Variants in DENND2C observed in about 807,000 individuals in gnomAD.
DENND2C encodes DENN domain-containing protein 2C.
A neutral mutation model predicts 112.4 loss-of-function variants in DENND2C; 72 were observed. The ratio of observed to expected loss-of-function variants is 0.64; its 90% CI spans 0.53 to 0.78. DENND2C has a LOEUF of 0.78. Ranked by LOEUF, DENND2C falls within the 30% of genes least tolerant of loss-of-function variation. DENND2C has a pLI of 0.00. For missense variants in DENND2C, 992 were observed against 1,113.8 expected, an observed-to-expected ratio of 0.89 and a Z score of 1.56; for synonymous variants, 329 against 381.6, an observed-to-expected ratio of 0.86 and a Z score of 1.61.
chr1:114,645,193 C>T (rs983811744), intron 3 of DENND2C, among the ~76,000 whole-genome samples: 2 of 152,154 alleles, frequency 1.3e-5, no homozygotes, highest in Middle Eastern at 3.4e-3. Flanking sequence ...TAGATCGAAC[C>T]GTGTCCCCTG....
intron 9 of DENND2C, 29 bp downstream of exon 9, chr1:114,611,040 CAACA>C (rs1557944594): frequency 1.2e-6 from 2 of 1,613,894 alleles, no homozygotes; most frequent in Admixed American, 3.3e-5. Flanking sequence ...ATGATCATCA[CAACA>C]ACGGGAGCAG....
intron 3 of DENND2C, among the ~76,000 whole-genome samples, chr1:114,643,623 G>A (rs1656902919): frequency 6.6e-6 from 1 of 152,032 alleles, no homozygotes; most frequent in African/African-American, 2.4e-5. Flanking sequence ...ACTAAAAATG[G>A]TTCCCAAAAT....
rs1363716385 is a variant in DENND2C, at chr1:114,655,866, TTA to T, written c.-573-1107_-573-1106del. 9.7e-3 allele frequency among the ~76,000 whole-genome samples: 603 copies of T among 62,464 alleles called. 3 individuals carry two copies. The highest frequency in any genetic ancestry group is 0.039 in the African/African-American group (559 of 14,404). The allele number at this position is 62,464 out of a possible 152,430, so 41.0% of individuals were successfully genotyped here. A position where few individuals can be genotyped will look rare whatever the true frequency, so the allele number is the denominator to read the frequency against. Reference sequence around the variant, plus strand: ...CTTACATGTACAGCTCAAAGAACTTTTATATATATATGTATAAATATATATAT... The same window carrying T: ...CTTACATGTACAGCTCAAAGAACTTTTATATATATGTATAAATATATATAT... On this transcript the variant is annotated intron_variant, in intron 1 of 20. Transcript: ENST00000393274.
rs142920095 is a variant in DENND2C, at chr1:114,585,226, G to C, written c.*374C>G. ...ATGTCTCTCTACTACCTTAAACTCA[G>C]CATTTCTCTCATTATTCTCATCTTT... On this transcript the variant is annotated 3_prime_UTR_variant, in exon 21 of 21. Transcript: ENST00000393274. 7.3e-4 allele frequency: 170 copies of C among 231,944 alleles called. No homozygotes were observed. The highest frequency in any genetic ancestry group is 3.7e-3 in the African/African-American group (167 of 44,568). The allele number at this position is 231,944 out of a possible 1,614,324, so 14.4% of individuals were successfully genotyped here.
chr1:114,604,146 A>T (rs1008058806), intron 11 of DENND2C, among the ~76,000 whole-genome samples: 18 of 152,354 alleles, frequency 1.2e-4, no homozygotes, highest in South Asian at 4.1e-4. Context: ...AGTGTCAATC[A>T]GGCTAAACTG....
chr1:114,635,912 A>G lies in DENND2C; in HGVS notation c.-205+9536T>C, dbSNP rs898128293. ...TCCCAGTTTCTTGAAAGACTGAGGT[A>G]GGAGGATTGCTTGAACCCAGGTGGT... On this transcript the variant is annotated intron_variant, in intron 3 of 20. Transcript: ENST00000393274. Among the ~76,000 whole-genome samples the G allele has an allele frequency of 5.9e-5, 9 of 152,000 alleles. No individual in the cohort carries two copies. In the South Asian group the frequency reaches 8.3e-4, roughly 14 times the overall value.
intron 1 of DENND2C, among the ~76,000 whole-genome samples, chr1:114,662,483 G>T (rs566789364): frequency 6.6e-6 from 1 of 152,184 alleles, no homozygotes; most frequent in East Asian, 1.9e-4. Context: ...ATCCTTTGTT[G>T]TAAATATTTA....
chr1:114,633,562 T>C (rs901184890), intron 3 of DENND2C, among the ~76,000 whole-genome samples: 2 of 149,970 alleles, frequency 1.3e-5, no homozygotes, highest in African/African-American at 4.9e-5. Flanking sequence ...AATTTGAAAG[T>C]GATGTGTTAA....
chr1:114,585,828 C>T (rs560910533), intron 20 of DENND2C, among the ~76,000 whole-genome samples, 197 bp from the exon 21 acceptor site: 15 of 152,268 alleles, frequency 9.9e-5, no homozygotes, highest in African/African-American at 3.6e-4. Context: ...TTAATTGTAG[C>T]GGCAGAAAAG....
intron 16 of DENND2C, among the ~76,000 whole-genome samples, chr1:114,598,972 C>T (rs1289741088): frequency 6.6e-6 from 1 of 152,074 alleles, no homozygotes; most frequent in Non-Finnish European, 1.5e-5. Context: ...CATAAGCCAC[C>T]ATGCCCGGCC....
At chr1:114,629,750 A>G (rs1557951420) in intron 3 of DENND2C, among the ~76,000 whole-genome samples, 1 of 152,232 alleles carries the variant, frequency 6.6e-6, no homozygotes, top group African/African-American at 2.4e-5. Context: ...TATCATATAT[A>G]GAATTCTGTG....
chr1:114,606,503 G>A (rs1655660923), intron 10 of DENND2C, among the ~76,000 whole-genome samples: 1 of 152,136 alleles, frequency 6.6e-6, no homozygotes, highest in Admixed American at 6.5e-5. Flanking sequence ...AATGAAAGAA[G>A]TCGTCCAAGT....
At chr1:114,595,754 T>G in intron 17 of DENND2C, 78 bp downstream of exon 17, 1 of 1,326,374 alleles carries the variant, frequency 7.5e-7, no homozygotes, top group African/African-American at 1.4e-5. Flanking sequence ...CTCTAAGTAC[T>G]TTCACATATT....
intron 8 of DENND2C, among the ~76,000 whole-genome samples, chr1:114,615,799 G>A (rs532959272): frequency 2.0e-5 from 3 of 152,336 alleles, no homozygotes; most frequent in Admixed American, 6.5e-5. Context: ...CTGGGGGCCG[G>A]GCGCAGTGGC....
At chr1:114,635,026 T>TAAA (rs374636363) in intron 3 of DENND2C, among the ~76,000 whole-genome samples, 21 of 94,672 alleles carry the variant, frequency 2.2e-4, no homozygotes, top group Non-Finnish European at 4.1e-4. Flanking sequence ...AGACTCCGTC[T>TAAA]AAAAAAAAAA....
intron 11 of DENND2C, among the ~76,000 whole-genome samples, chr1:114,603,594 T>C (rs1655580901): frequency 6.6e-6 from 1 of 151,962 alleles, no homozygotes; most frequent in Admixed American, 6.6e-5. Context: ...TTGCCCAGGC[T>C]GGAGTACTGT....
intron 1 of DENND2C, among the ~76,000 whole-genome samples, chr1:114,664,785 AT>A (rs1657600985): frequency 6.8e-6 from 1 of 148,046 alleles, no homozygotes; most frequent in Non-Finnish European, 1.5e-5. Flanking sequence ...GGCAAAAAAA[AT>A]TGTTTTTTAA....
Position 114,592,414 on chromosome 1 carries a change from T to G in DENND2C, c.2431+2059A>C, listed in dbSNP as rs542389591. On this transcript the variant is annotated intron_variant, in intron 18 of 20. Coordinates refer to ENST00000393274, the MANE Select transcript of DENND2C (RefSeq NM_001256404.2). The stretch of plus-strand genomic sequence containing the variant: ...AGTGCCTTGGCTATTCTTGGCCCTT[T>G]GTACATACAATTAAATTTTATGGTT... Among the ~76,000 whole-genome samples, 361 of 152,310 alleles carry G rather than the reference T, an allele frequency of 2.4e-3. 1 individual carries two copies. The highest frequency in any genetic ancestry group is 3.9e-3 in the Non-Finnish European group (262 of 68,036).
At chr1:114,609,180 G>A (rs772664546) in intron 9 of DENND2C, among the ~76,000 whole-genome samples, 10 of 152,100 alleles carry the variant, frequency 6.6e-5, no homozygotes, top group South Asian at 2.1e-4. Context: ...ATCTTTCATG[G>A]CATCAAACCA....
Sources: gnomAD v4.1 joint callset for allele counts (sites outside exome capture counted in the v4.1 genomes callset) on GRCh38, gnomAD v4.1.1 for gene constraint, MANE v1.5 for transcripts, NCBI Gene and HGNC (gene_info 2026-07-23, HGNC 2026-07-21) for gene names.